The following RBM41 variants were observed in gnomAD, a reference collection of about 807,000 sequenced individuals.
The protein encoded by RBM41 is RNA binding motif protein 41.
A neutral mutation model predicts 30.8 loss-of-function variants in RBM41; 14 were observed. That is an observed-to-expected ratio of 0.45 (90% CI 0.30 to 0.71). The LOEUF (loss-of-function observed/expected upper bound fraction) is 0.71. Ranked by LOEUF, RBM41 falls within the 30% of genes least tolerant of loss-of-function variation. The pLI is 0.08. For synonymous variants in RBM41, 120 were observed against 110.1 expected (o/e 1.09, Z -0.56); for missense variants, 276 against 326.3 (o/e 0.85, Z 1.19).
intron 5 of RBM41, among the ~76,000 whole-genome samples, chrX:107,110,879 C>T (rs1924406182): frequency 9.0e-6 from 1 of 110,764 alleles, no homozygotes; most frequent in African/African-American, 3.3e-5. Context: ...TACCTTAATA[C>T]CATATACGAA....
intron 5 of RBM41, among the ~76,000 whole-genome samples, chrX:107,109,600 T>C (rs1483869401): frequency 9.0e-6 from 1 of 111,693 alleles, no homozygotes; most frequent in African/African-American, 3.2e-5. Flanking sequence ...TTTTGCTCCA[T>C]TTTTTATTAT....
chrX:107,071,796 C>T (rs1304718250), intron 6 of RBM41, among the ~76,000 whole-genome samples: 1 of 111,709 alleles, frequency 9.0e-6, no homozygotes, highest in Non-Finnish European at 1.9e-5. Flanking sequence ...CTATAATATT[C>T]AGTATTAAAA....
downstream of RBM41, among the ~76,000 whole-genome samples, chrX:107,058,437 G>A (rs1935603289): frequency 9.0e-6 from 1 of 110,837 alleles, no homozygotes; most frequent in Non-Finnish European, 1.9e-5. Context: ...ACCCTGTGAG[G>A]TAATAGTATT....
At chrX:107,078,274 C>T (rs918526318) in intron 6 of RBM41, among the ~76,000 whole-genome samples, 1 of 111,344 alleles carries the variant, frequency 9.0e-6, no homozygotes, top group Non-Finnish European at 1.9e-5. Flanking sequence ...TTCCTGTACT[C>T]TTTTGGAAAG....
At chrX:107,103,946 T>C (rs1279351411) in intron 5 of RBM41, among the ~76,000 whole-genome samples, 2 of 110,937 alleles carry the variant, frequency 1.8e-5, no homozygotes, top group Non-Finnish European at 3.8e-5. Flanking sequence ...CTGGAGATGG[T>C]CCGATGATTG....
At chrX:107,069,503 G>A (rs1280211912) in intron 6 of RBM41, 101 bp from the exon 7 acceptor site, 3 of 932,706 alleles carry the variant, frequency 3.2e-6, no homozygotes, top group Admixed American at 6.5e-5. Flanking sequence ...CACCCAGGCT[G>A]GAGTGCAGTG....
chrX:107,059,242 A>G (rs980755954), downstream of RBM41, among the ~76,000 whole-genome samples: 1 of 110,801 alleles, frequency 9.0e-6, no homozygotes, highest in African/African-American at 3.3e-5. Context: ...TTAACATATT[A>G]ATTTTGAGGA....
rs1318058041 is a variant in RBM41, at chrX:107,105,573, C to A, written c.595+7824G>T. Among the ~76,000 whole-genome samples the A allele has an allele frequency of 2.7e-5, 3 of 110,908 alleles. No individual in the cohort carries two copies. In the East Asian group the frequency reaches 8.5e-4, roughly 31 times the overall value. On this transcript the variant is annotated intron_variant, in intron 5 of 7. Coordinates refer to ENST00000685964, the MANE Select transcript of RBM41 (RefSeq NM_001324242.2). ...TCCGCATTGCCAAGTCAATCCTAAG[C>A]CAAAAGAAAAAGCTGGAGGCATCAC...
intron 5 of RBM41, among the ~76,000 whole-genome samples, chrX:107,097,696 C>G (rs1923100735): frequency 9.0e-6 from 1 of 111,533 alleles, no homozygotes; most frequent in South Asian, 3.8e-4. Flanking sequence ...AGTCTGAGAA[C>G]AGACTAATAA....
chrX:107,094,709 G>A lies in RBM41; in HGVS notation c.596-5870C>T, dbSNP rs1420297190. Reference sequence around the variant, plus strand: ...CAGGTGGGACCAATGCAATCATAAGGGTCCTTATCAGAAGGAAGCAAGAAG... The same window carrying A: ...CAGGTGGGACCAATGCAATCATAAGAGTCCTTATCAGAAGGAAGCAAGAAG... On this transcript the variant is annotated intron_variant, in intron 5 of 7. Transcript: ENST00000685964. Among the ~76,000 whole-genome samples the A allele has an allele frequency of 2.7e-5, 3 of 111,198 alleles. No individual in the cohort carries two copies. In the East Asian group the frequency reaches 8.5e-4, roughly 32 times the overall value.
chrX:107,108,958 G>C (rs770360287), intron 5 of RBM41, among the ~76,000 whole-genome samples: 1 of 111,729 alleles, frequency 9.0e-6, no homozygotes, highest in African/African-American at 3.2e-5. Context: ...AATTACAGTA[G>C]AAAGTATGGG....
At chrX:107,077,063 A>T (rs952649360) in intron 6 of RBM41, among the ~76,000 whole-genome samples, 13 of 112,026 alleles carry the variant, frequency 1.2e-4, no homozygotes, top group African/African-American at 4.2e-4. Flanking sequence ...TAACCATAGA[A>T]AGGGGTATGT....
chrX:107,084,850 C>A (rs1301243552), intron 6 of RBM41, among the ~76,000 whole-genome samples: 1 of 112,232 alleles, frequency 8.9e-6, no homozygotes, highest in African/African-American at 3.2e-5. Context: ...TATTGTAAGA[C>A]AGGAGTGATG....
chrX:107,076,496 T>C (rs1410672221), intron 6 of RBM41, among the ~76,000 whole-genome samples: 1 of 110,563 alleles, frequency 9.0e-6, no homozygotes, highest in Non-Finnish European at 1.9e-5. Context: ...TATTGCATGA[T>C]TCCACTTACT....
Position 107,066,640 on chromosome X carries a change from AG to A in RBM41, c.*886del. 3 of 651,478 alleles carry A rather than the reference AG, an allele frequency of 4.6e-6. No individual in the cohort carries two copies. Among genetic ancestry groups the A allele is most frequent in the Non-Finnish European group, 3.7e-6 (2 of 546,178 alleles). 53.7% of individuals were successfully genotyped at this position (651,478 alleles called of 1,213,427 possible). On this transcript the variant is annotated 3_prime_UTR_variant, in exon 8 of 8. Transcript: ENST00000685964. ...CATAGAATGTTAAGTGTGGCTGTACAGGTCTGACTCCAGTTTGTACTACTTC... is the reference window on the plus strand; with the variant it reads ...CATAGAATGTTAAGTGTGGCTGTACAGTCTGACTCCAGTTTGTACTACTTC...
At chrX:107,098,466 C>A (rs1418284121) in intron 5 of RBM41, among the ~76,000 whole-genome samples, 2 of 109,371 alleles carry the variant, frequency 1.8e-5, no homozygotes, top group African/African-American at 3.3e-5. Flanking sequence ...AAGAGAGAAT[C>A]AAAAAAAAAT....
chrX:107,059,373 GATAA>G (rs1425360139), downstream of RBM41, among the ~76,000 whole-genome samples: 4 of 110,830 alleles, frequency 3.6e-5, no homozygotes, highest in African/African-American at 1.3e-4. Flanking sequence ...AGAGCATCAG[GATAA>G]ATAGCTAATG....
At chrX:107,115,829 A>G in intron 3 of RBM41, 33 bp downstream of exon 3, 1 of 1,138,788 alleles carries the variant, frequency 8.8e-7, no homozygotes, top group Non-Finnish European at 1.2e-6. Flanking sequence ...TTTGAGGAGA[A>G]AAACCAACAA....
intron 6 of RBM41, 173 bp from the exon 7 acceptor site, chrX:107,069,575 C>T: frequency 4.8e-6 from 2 of 417,117 alleles, no homozygotes; most frequent in Non-Finnish European, 3.8e-6. Context: ...ATGCCTCAGC[C>T]TCCCGAGTAG....
Sources: allele counts gnomAD v4.1 joint callset (sites outside exome capture counted in the v4.1 genomes callset), GRCh38; gene constraint gnomAD v4.1.1; transcripts MANE v1.5; gene names NCBI Gene and HGNC (gene_info 2026-07-23, HGNC 2026-07-21).